MTMR8: variants seen among roughly 807,000 people sequenced by gnomAD.
MTMR8 encodes the protein phosphatidylinositol-3,5-bisphosphate 3-phosphatase MTMR8.
In MTMR8, 65 loss-of-function variants were observed where a neutral mutation model predicts 39.3. That is an observed-to-expected ratio of 1.65 (90% CI 1.35 to 2.03). MTMR8 has a LOEUF of 2.03. MTMR8 is among the 30% of genes most tolerant of loss of function. The probability of loss-of-function intolerance (pLI) is 0.00; values close to 1 mark genes in which losing one functional copy is unlikely to be tolerated. For missense variants in MTMR8, 777 were observed against 538.9 expected (o/e 1.44, Z -4.37); for synonymous variants, 245 against 185.2 (o/e 1.32, Z -2.62).
intron 1 of MTMR8, among the ~76,000 whole-genome samples, chrX:64,365,498 T>G (rs1382171945): frequency 8.9e-6 from 1 of 111,964 alleles, no homozygotes; most frequent in East Asian, 2.8e-4. Flanking sequence ...GAATTTCATG[T>G]CCAGCCAAAC....
chrX:64,384,429 C>T (rs1924508125), intron 1 of MTMR8, among the ~76,000 whole-genome samples: 1 of 111,604 alleles, frequency 9.0e-6, no homozygotes, highest in African/African-American at 3.3e-5. Context: ...TAGGCTCCAA[C>T]CCTACATTTC....
intron 12 of MTMR8, among the ~76,000 whole-genome samples, chrX:64,307,005 TG>T (rs1237385770): frequency 8.9e-6 from 1 of 112,335 alleles, no homozygotes; most frequent in Non-Finnish European, 1.9e-5. Flanking sequence ...TAATGCATGC[TG>T]AGAGTGAGAT....
intron 1 of MTMR8, among the ~76,000 whole-genome samples, chrX:64,369,102 A>T (rs1006811622): frequency 8.9e-6 from 1 of 112,167 alleles, no homozygotes; most frequent in Non-Finnish European, 1.9e-5. Flanking sequence ...ATCATTAAAA[A>T]GTCAGGAAAC....
intron 12 of MTMR8, among the ~76,000 whole-genome samples, chrX:64,286,495 C>A (rs1921182232): frequency 9.0e-6 from 1 of 111,712 alleles, no homozygotes; most frequent in African/African-American, 3.3e-5. Context: ...CAAAGCCTGG[C>A]AGAGACACAA....
At chrX:64,355,682 G>A (rs1923603387) in intron 3 of MTMR8, among the ~76,000 whole-genome samples, 1 of 110,912 alleles carries the variant, frequency 9.0e-6, no homozygotes, top group Admixed American at 9.7e-5. Flanking sequence ...GTGGGGGCTG[G>A]GGAATGAAAG....
chrX:64,310,246 A>C (rs965667079), intron 12 of MTMR8, among the ~76,000 whole-genome samples: 1 of 111,783 alleles, frequency 8.9e-6, no homozygotes, highest in African/African-American at 3.3e-5. Flanking sequence ...CCATCAAATA[A>C]ATCACTTTCT....
intron 12 of MTMR8, among the ~76,000 whole-genome samples, chrX:64,287,402 T>C (rs940853142): frequency 7.2e-5 from 8 of 111,515 alleles, no homozygotes; most frequent in East Asian, 2.8e-4. Flanking sequence ...AGGTAATTTA[T>C]AGATTCAATG....
In MTMR8 at chrX:64,268,801, G is replaced by T. The variant is rs557840896; in HGVS notation, c.1851C>A (p.Gly617=). 1.2e-5 allele frequency: 15 copies of T among 1,209,754 alleles called. No homozygotes were observed. The East Asian group carries it at 3.6e-4, about 29-fold the overall frequency. ...CAGAGATATTTATGGCCCTAAGGCT[G>T]CCCACAATCTCACAACAGTTATGGT... ...DLHHNCCEIV[G]SLRAINISGD... is the part of the protein sequence containing the mutation. The change falls in exon 14 of 14, where the codon GGC becomes GGA. Residue 617 remains glycine (G), a synonymous_variant. Coordinates refer to ENST00000374852, the MANE Select transcript of MTMR8 (RefSeq NM_017677.4).
intron 12 of MTMR8, among the ~76,000 whole-genome samples, chrX:64,288,057 A>C (rs769599792): frequency 6.3e-5 from 6 of 95,031 alleles, no homozygotes; most frequent in Non-Finnish European, 8.4e-5. Context: ...AAACTACCAT[A>C]AGAGTGAACA....
chrX:64,305,583 G>C, intron 12 of MTMR8: 3 of 496,567 alleles, frequency 6.0e-6, no homozygotes, highest in Non-Finnish European at 1.1e-5. Context: ...GTTGCTCACA[G>C]CTTGAGGTGC....
intron 1 of MTMR8, 128 bp downstream of exon 1, chrX:64,395,212 A>T: frequency 1.4e-6 from 1 of 696,233 alleles, no homozygotes. Flanking sequence ...CAGAAAGAGA[A>T]CCCGGGACCC....
chrX:64,301,939 G>A (rs1401413672), intron 12 of MTMR8, among the ~76,000 whole-genome samples: 1 of 112,020 alleles, frequency 8.9e-6, no homozygotes, highest in African/African-American at 3.2e-5. Context: ...ATCTCCAGCT[G>A]CGTGCTGGGA....
At chrX:64,285,884 A>T (rs1423857106) in intron 12 of MTMR8, among the ~76,000 whole-genome samples, 1 of 111,697 alleles carries the variant, frequency 9.0e-6, no homozygotes, top group African/African-American at 3.3e-5. Flanking sequence ...GAAAGATCTA[A>T]AATTGACACC....
intron 1 of MTMR8, among the ~76,000 whole-genome samples, chrX:64,377,352 A>G: frequency 8.9e-6 from 1 of 112,169 alleles, no homozygotes; most frequent in East Asian, 2.8e-4. Flanking sequence ...CAAGCACTCT[A>G]CACCAGTCTG....
intron 12 of MTMR8, among the ~76,000 whole-genome samples, chrX:64,300,761 G>T (rs1377019860): frequency 9.7e-6 from 1 of 103,522 alleles, no homozygotes; most frequent in Non-Finnish European, 2.0e-5. Flanking sequence ...AGCTCTTGTA[G>T]GGCAGGCCTG....
Position 64,359,449 on chromosome X carries a change from G to C in MTMR8, c.103C>G (p.Leu35Val), listed in dbSNP as rs761484044. Residue 35 changes from leucine (L) to valine (V), a missense_variant, in exon 2 of 14, where the codon CTG becomes GTG. By Grantham distance (32) the Leu-to-Val change is conservative (BLOSUM62 1). Coordinates refer to ENST00000374852, the MANE Select transcript of MTMR8 (RefSeq NM_017677.4). ...NGILYLTATHLIYVEASGAAR... is the reference protein window; with the variant it reads ...NGILYLTATHVIYVEASGAAR... ...GCACCTGAAGCCTCCACATAGATCAGGTGGGTTGCAGTAAGATAAAGAATC... is the reference window on the plus strand; with the variant it reads ...GCACCTGAAGCCTCCACATAGATCACGTGGGTTGCAGTAAGATAAAGAATC... 53 of 1,205,875 alleles carry C rather than the reference G, an allele frequency of 4.4e-5. No individual in the cohort carries two copies. The highest frequency in any genetic ancestry group is 5.7e-5 in the Non-Finnish European group (51 of 892,689).
chrX:64,352,210 A>G (rs1297253285), intron 4 of MTMR8, among the ~76,000 whole-genome samples: 1 of 111,233 alleles, frequency 9.0e-6, no homozygotes, highest in Admixed American at 9.5e-5. Context: ...CTGGCAGACA[A>G]CATTTCATAA....
intron 1 of MTMR8, chrX:64,360,365 T>C (rs1201736524): frequency 1.0e-5 from 3 of 295,200 alleles, no homozygotes; most frequent in African/African-American, 5.9e-5. Flanking sequence ...AATACTCTTC[T>C]TAGGAACTAA....
At chrX:64,327,042 T>C (rs1352045190) in intron 12 of MTMR8, among the ~76,000 whole-genome samples, 1 of 111,105 alleles carries the variant, frequency 9.0e-6, no homozygotes, top group Non-Finnish European at 1.9e-5. Flanking sequence ...TCAAAATGGA[T>C]TAAAAACTTA....
Sources: allele counts gnomAD v4.1 joint callset (sites outside exome capture counted in the v4.1 genomes callset), GRCh38; gene constraint gnomAD v4.1.1; transcripts MANE v1.5; gene names NCBI Gene and HGNC (gene_info 2026-07-23, HGNC 2026-07-21).